Variants in RANBP2 observed in about 807,000 individuals in gnomAD.
RANBP2 encodes the protein E3 SUMO-protein ligase RanBP2.
A neutral mutation model predicts 303.6 loss-of-function variants in RANBP2; 57 were observed. That is an observed-to-expected ratio of 0.19 (90% CI 0.15 to 0.23). The LOEUF (loss-of-function observed/expected upper bound fraction) is 0.23, where lower values mean the gene tolerates loss of function less well. RANBP2 is among the 10% of genes least tolerant of loss of function. The pLI is 1.00. For missense variants in RANBP2, 3,138 were observed against 3,780.8 expected, an observed-to-expected ratio of 0.83 and a Z score of 4.46; for synonymous variants, 1,167 against 1,301.5, an observed-to-expected ratio of 0.90 and a Z score of 2.23.
chr2:109,251,233 C>T, the RANBP2 span, among the ~76,000 whole-genome samples: 2 of 152,130 alleles, frequency 1.3e-5, no homozygotes, highest in Admixed American at 1.3e-4. Flanking sequence ...GAACTCCTTA[C>T]CTTGGGTTAT....
chr2:108,929,459 G>T, the RANBP2 span: 1 of 1,458,522 alleles, frequency 6.9e-7, no homozygotes, highest in Non-Finnish European at 9.6e-7. Context: ...TCCTTGGGCA[G>T]TGACGTGCCA....
the RANBP2 span, among the ~76,000 whole-genome samples, chr2:109,416,632 C>A: frequency 6.6e-6 from 1 of 151,850 alleles, no homozygotes; most frequent in Non-Finnish European, 1.5e-5. Flanking sequence ...ATCTGCCCGC[C>A]TCAGCCTCCC....
chr2:108,854,013 ATATAATAAATTTATATTATATATAAT>A, the RANBP2 span, among the ~76,000 whole-genome samples: 1 of 117,044 alleles, frequency 8.5e-6, no homozygotes, highest in Non-Finnish European at 1.7e-5. Flanking sequence ...TATATATAAT[ATATAATAAATTTATATTATATATAAT>A]ATATAATAAA....
At chr2:109,399,601 C>G in the RANBP2 span, among the ~76,000 whole-genome samples, 5 of 152,016 alleles carry the variant, frequency 3.3e-5, no homozygotes, top group African/African-American at 1.2e-4. Flanking sequence ...GACCCTGTCT[C>G]TACAAGCAAC....
chr2:109,402,528 C>T, the RANBP2 span, among the ~76,000 whole-genome samples: 1 of 152,244 alleles, frequency 6.6e-6, no homozygotes, highest in Non-Finnish European at 1.5e-5. Context: ...GGCCCGCAGC[C>T]CCAGGCTCCT....
rs745839957 is a variant in RANBP2, at chr2:108,783,743, G to T, written c.9517G>T (p.Val3173Phe). ...QGQNTNNSQF[V>F]ITLKKAEHLD... Reference sequence around the variant, plus strand: ...CCAGAATACCAATAATTCTCAATTTGTTATAACACTGAAGAAAGCAGAACA... The same window carrying T: ...CCAGAATACCAATAATTCTCAATTTTTTATAACACTGAAGAAAGCAGAACA... Residue 3173 changes from valine to phenylalanine, a missense_variant, in exon 29 of 29, where the codon GTT (valine) becomes TTT (phenylalanine). Coordinates refer to ENST00000283195, the MANE Select transcript of RANBP2 (RefSeq NM_006267.5). The T allele has an allele frequency of 6.2e-7, 1 of 1,613,264 alleles. No homozygotes were observed. Among genetic ancestry groups the T allele is most frequent in the Non-Finnish European group, 8.5e-7 (1 of 1,179,320 alleles).
rs181288995 is a variant in RANBP2, at chr2:108,742,201, G to C, written c.975+1520G>C. Among the ~76,000 whole-genome samples the C allele has an allele frequency of 7.5e-4, 114 of 151,888 alleles. 1 individual carries two copies. The highest frequency in any genetic ancestry group is 2.6e-3 in the African/African-American group (108 of 41,406). On this transcript the variant is annotated intron_variant, in intron 7 of 28. Transcript: ENST00000283195. ...AGTAGAGACGGGGTTTCTCCATGTT[G>C]GTCAGGCTGATCTCGAACTCCTGAC...
the RANBP2 span, among the ~76,000 whole-genome samples, chr2:109,509,652 A>G: frequency 2.0e-5 from 3 of 152,092 alleles, no homozygotes; most frequent in Non-Finnish European, 4.4e-5. Flanking sequence ...CCCGAATAAC[A>G]TACATGACAT....
the RANBP2 span, among the ~76,000 whole-genome samples, chr2:109,277,022 G>A: frequency 2.0e-3 from 297 of 152,196 alleles, no homozygotes; most frequent in Admixed American, 3.2e-3. Context: ...GACTTCCCTC[G>A]AGCACCTGTC....
the RANBP2 span, among the ~76,000 whole-genome samples, chr2:109,035,424 C>G: frequency 1.3e-5 from 2 of 152,074 alleles, no homozygotes; most frequent in African/African-American, 4.8e-5. Context: ...GAAAAAAAGC[C>G]TAGGGACCTC....
chr2:109,716,602 A>G, the RANBP2 span, among the ~76,000 whole-genome samples: 1 of 152,148 alleles, frequency 6.6e-6, no homozygotes, highest in Non-Finnish European at 1.5e-5. Flanking sequence ...GCTGAAGTGC[A>G]GTGGTGCAAT....
chr2:109,117,949 A>G, the RANBP2 span, among the ~76,000 whole-genome samples: 1 of 152,192 alleles, frequency 6.6e-6, no homozygotes, highest in Admixed American at 6.5e-5. Flanking sequence ...AAGAAGTGCC[A>G]CTGCCTGCCC....
chr2:108,963,907 T>A, the RANBP2 span, among the ~76,000 whole-genome samples: 1 of 152,278 alleles, frequency 6.6e-6, no homozygotes, highest in South Asian at 2.1e-4. Context: ...GAGGAGCCAG[T>A]AGGGTCGGCT....
At chr2:109,680,712 T>C in the RANBP2 span, among the ~76,000 whole-genome samples, 696 of 152,312 alleles carry the variant, frequency 4.6e-3, 3 homozygotes, top group African/African-American at 0.016. Flanking sequence ...CTCACCTTTT[T>C]TCAGACCTTT....
chr2:109,093,281 C>T, the RANBP2 span, among the ~76,000 whole-genome samples: 5 of 151,816 alleles, frequency 3.3e-5, no homozygotes, highest in Non-Finnish European at 7.4e-5. Flanking sequence ...TGAATACTTT[C>T]TGGTTTGTTA....
At chr2:109,029,433 T>C in the RANBP2 span, among the ~76,000 whole-genome samples, 1 of 152,206 alleles carries the variant, frequency 6.6e-6, no homozygotes, top group Non-Finnish European at 1.5e-5. Flanking sequence ...TGGGAAACCA[T>C]GATGTGGCTG....
the RANBP2 span, among the ~76,000 whole-genome samples, chr2:109,463,760 A>G: frequency 1.3e-5 from 2 of 152,222 alleles, no homozygotes; most frequent in Non-Finnish European, 2.9e-5. Flanking sequence ...TTTTAGGAAC[A>G]TGCTAAGACC....
chr2:109,301,591 C>T, the RANBP2 span, among the ~76,000 whole-genome samples: 2 of 152,170 alleles, frequency 1.3e-5, no homozygotes, highest in African/African-American at 4.8e-5. Context: ...ACGCTACCAC[C>T]GTCCCCAGGG....
the RANBP2 span, among the ~76,000 whole-genome samples, chr2:109,651,731 G>A: frequency 1.3e-5 from 2 of 152,296 alleles, no homozygotes; most frequent in South Asian, 4.1e-4. Context: ...GGAGGCCTGG[G>A]AAGAAGTCAG....
Sources: allele counts gnomAD v4.1 joint callset (sites outside exome capture counted in the v4.1 genomes callset), GRCh38; gene constraint gnomAD v4.1.1; transcripts MANE v1.5; gene names NCBI Gene and HGNC (gene_info 2026-07-23, HGNC 2026-07-21).